SCFD2: variants seen among roughly 807,000 people sequenced by gnomAD.
The protein encoded by SCFD2 is sec1 family domain-containing protein 2.
SCFD2 carries 54 observed loss-of-function variants against 58.9 expected under a neutral mutation model. That is an observed-to-expected ratio of 0.92 (90% CI 0.74 to 1.15). SCFD2 has a LOEUF of 1.15. SCFD2 is among the 50% of genes most tolerant of loss of function. The pLI is 0.00. For missense variants in SCFD2, 805 were observed against 836.6 expected (o/e 0.96, Z 0.47); for synonymous variants, 321 against 335.9 (o/e 0.96, Z 0.49).
intron 4 of SCFD2, among the ~76,000 whole-genome samples, chr4:53,156,530 T>C (rs1157588216): frequency 6.6e-6 from 1 of 151,734 alleles, no homozygotes. Flanking sequence ...ACCCCGTCTC[T>C]ACTAAAAATA....
chr4:53,365,354 C>A lies in SCFD2; in HGVS notation c.588G>T (p.Lys196Asn), dbSNP rs750241792. 4 of 1,614,218 alleles carry A rather than the reference C, an allele frequency of 2.5e-6. No homozygotes were observed. In the East Asian group the frequency reaches 8.9e-5, roughly 36 times the overall value. The change falls in exon 1 of 9, where the codon AAG (lysine) becomes AAT (asparagine). Residue 196 changes from lysine (K) to asparagine (N), a missense_variant. Physicochemically the swap from Lys to Asn is moderately conservative, Grantham distance 94. Around this residue, in one of 3 missense-constraint regions of SCFD2, gnomAD observed 633 missense variants for 646.8 expected, o/e 0.98. Transcript: ENST00000401642. The surrounding 1 kb of genome is among the most constrained non-coding windows in gnomAD (Gnocchi z 4.3). ...AGTCCACATCACCCAGGCTTCCCAG[C>A]TTCCTCTTGTCCGGTCGGGCGCTAT... is the stretch of plus-strand genomic sequence containing the variant. ...LLNSARPDKRKLGSLGDVDST... is the reference protein window; with the variant it reads ...LLNSARPDKRNLGSLGDVDST...
chr4:53,238,966 G>C (rs1377945094), intron 4 of SCFD2, among the ~76,000 whole-genome samples: 1 of 152,106 alleles, frequency 6.6e-6, no homozygotes, highest in Admixed American at 6.5e-5. Flanking sequence ...GGTGGCGGCC[G>C]GGCAGAGGCT....
intron 5 of SCFD2, among the ~76,000 whole-genome samples, chr4:52,962,782 A>C (rs780943002): frequency 9.2e-5 from 14 of 152,206 alleles, no homozygotes; most frequent in Non-Finnish European, 1.2e-4. Flanking sequence ...TTAGCCCCAG[A>C]CTGGCTCTCC....
At position 53,256,091 on chromosome 4, in the gene SCFD2, G is replaced by T. The variant is rs1400883418; in HGVS notation, c.1311+17735C>A. 2.5e-3 allele frequency among the ~76,000 whole-genome samples: 376 copies of T among 151,592 alleles called. 1 individual carries two copies. The highest frequency in any genetic ancestry group is 8.7e-3 in the African/African-American group (359 of 41,318). On this transcript the variant is annotated intron_variant, in intron 4 of 8. Coordinates refer to ENST00000401642, the MANE Select transcript of SCFD2 (RefSeq NM_152540.4). The stretch of plus-strand genomic sequence containing the variant: ...TGACCCCCACCTCCCTCCCGGACGG[G>T]GTGGCTGCCGGGCGGAGACGCTCCT...
chr4:53,147,640 A>G (rs977486522), intron 4 of SCFD2, among the ~76,000 whole-genome samples: 1 of 152,188 alleles, frequency 6.6e-6, no homozygotes, highest in African/African-American at 2.4e-5. Context: ...AGTTTTGAAG[A>G]CACCCTAGGG....
rs1277541682 is a variant in SCFD2 at position 53,122,410 on chromosome 4, A to G, written c.1561+22923T>C. 2.0e-5 allele frequency among the ~76,000 whole-genome samples: 3 copies of G among 151,850 alleles called. No individual in the cohort carries two copies. In the East Asian group the frequency reaches 5.8e-4, roughly 29 times the overall value. On this transcript the variant is annotated intron_variant, in intron 5 of 8. Coordinates refer to ENST00000401642, the MANE Select transcript of SCFD2 (RefSeq NM_152540.4). ...AAAAATCCTGAACTCTGACCTCTGA[A>G]CCCTGACATGCTGACAAGCCGCAGC... is the stretch of plus-strand genomic sequence containing the variant.
intron 4 of SCFD2, among the ~76,000 whole-genome samples, chr4:53,201,231 G>A (rs1234051944): frequency 1.3e-5 from 2 of 149,622 alleles, no homozygotes; most frequent in African/African-American, 4.9e-5. Flanking sequence ...GTGTCCACGT[G>A]TTCTCATTGT....
At chr4:52,906,614 C>G (rs1487665928) in intron 7 of SCFD2, among the ~76,000 whole-genome samples, 1 of 152,206 alleles carries the variant, frequency 6.6e-6, no homozygotes, top group Non-Finnish European at 1.5e-5. Flanking sequence ...CTCCAGCAGG[C>G]TTACTGCTTG....
intron 5 of SCFD2, among the ~76,000 whole-genome samples, chr4:52,926,050 T>C (rs1376799198): frequency 2.0e-5 from 3 of 152,120 alleles, no homozygotes; most frequent in Non-Finnish European, 2.9e-5. Flanking sequence ...CATGGCTCTG[T>C]ACACCGCAGG....
chr4:53,144,403 A>G (rs548491633), intron 5 of SCFD2, among the ~76,000 whole-genome samples: 1 of 149,878 alleles, frequency 6.7e-6, no homozygotes, highest in Non-Finnish European at 1.5e-5. Flanking sequence ...ATACATATAC[A>G]TGTATATATA....
chr4:52,997,535 G>A (rs1721771195), intron 5 of SCFD2, among the ~76,000 whole-genome samples: 1 of 152,184 alleles, frequency 6.6e-6, no homozygotes, highest in Admixed American at 6.5e-5. Flanking sequence ...AGTGGATAAG[G>A]CCATTAGGTG....
chr4:53,277,331 A>G (rs772486253), intron 3 of SCFD2, among the ~76,000 whole-genome samples: 4 of 152,258 alleles, frequency 2.6e-5, no homozygotes, highest in Non-Finnish European at 4.4e-5. Flanking sequence ...TTCACACAAA[A>G]TGGTTTCAAA....
rs184348727 is a variant in SCFD2 at position 53,350,911 on chromosome 4, C to T, written c.1007+1687G>A. Among the ~76,000 whole-genome samples, 5 of 152,108 alleles carry T rather than the reference C, an allele frequency of 3.3e-5. No homozygotes were observed. In the East Asian group the frequency reaches 9.6e-4, roughly 29 times the overall value. Reference sequence around the variant, plus strand: ...TTTTAGTAGAGACAGGGTTTCACCACGTTGGCCATGTTGGTCTCAAACTCC... The same window carrying T: ...TTTTAGTAGAGACAGGGTTTCACCATGTTGGCCATGTTGGTCTCAAACTCC... On this transcript the variant is annotated intron_variant, in intron 2 of 8. Coordinates refer to ENST00000401642, the MANE Select transcript of SCFD2 (RefSeq NM_152540.4).
intron 3 of SCFD2, among the ~76,000 whole-genome samples, chr4:53,310,841 C>G (rs566297107): frequency 6.6e-5 from 10 of 152,210 alleles, no homozygotes; most frequent in African/African-American, 2.4e-4. Context: ...ATCATGGGAT[C>G]CCTCCCCATA....
At chr4:53,358,630 C>T (rs1178761839) in intron 1 of SCFD2, among the ~76,000 whole-genome samples, 3 of 151,912 alleles carry the variant, frequency 2.0e-5, no homozygotes, top group South Asian at 2.1e-4. Context: ...TAATTCCCAT[C>T]GTTACCACCA....
chr4:53,041,404 G>C (rs780894319), intron 5 of SCFD2, among the ~76,000 whole-genome samples: 8 of 152,136 alleles, frequency 5.3e-5, no homozygotes, highest in Non-Finnish European at 1.2e-4. Flanking sequence ...GGTTTCTGTG[G>C]AGCTAAGTTC....
At chr4:53,329,017 G>A (rs938428572) in intron 2 of SCFD2, among the ~76,000 whole-genome samples, 5 of 152,164 alleles carry the variant, frequency 3.3e-5, no homozygotes, top group Admixed American at 1.3e-4. Flanking sequence ...ACTCCCACCC[G>A]AATATTGTGC....
In SCFD2 at chr4:53,145,507, T is replaced by A; in HGVS notation, c.1387A>T (p.Asn463Tyr). 4 of 1,614,168 alleles carry A rather than the reference T, an allele frequency of 2.5e-6. No individual in the cohort carries two copies. Among genetic ancestry groups the A allele is most frequent in the Non-Finnish European group, 3.4e-6 (4 of 1,180,010 alleles). ...AGTTCCTCAGGGCTGTAGTCCTCGTTGGTTCTCTGGGTTACAGGCTTAATC... is the reference window on the plus strand; with the variant it reads ...AGTTCCTCAGGGCTGTAGTCCTCGTAGGTTCTCTGGGTTACAGGCTTAATC... ...PMIKPVTQRT[N>Y]EDYSPEELLI... Residue 463 changes from asparagine to tyrosine, a missense_variant, in exon 5 of 9, where the codon AAC becomes TAC. By Grantham distance (143) the Asn-to-Tyr change is moderately radical (BLOSUM62 -2). Transcript: ENST00000401642.
chr4:53,176,856 G>A (rs1339322077), intron 4 of SCFD2, among the ~76,000 whole-genome samples: 1 of 151,304 alleles, frequency 6.6e-6, no homozygotes, highest in African/African-American at 2.4e-5. Flanking sequence ...TGCTGAGGCA[G>A]GAGAATCACT....
Sources: allele counts gnomAD v4.1 joint callset (sites outside exome capture counted in the v4.1 genomes callset), GRCh38; gene constraint gnomAD v4.1.1; regional missense constraint gnomAD v4.1.1; non-coding constraint Gnocchi (gnomAD v3.1); transcripts MANE v1.5; gene names NCBI Gene and HGNC (gene_info 2026-07-23, HGNC 2026-07-21).